Variants in DGAT2 observed in about 807,000 individuals in gnomAD.
The protein encoded by DGAT2 is acyl-CoA retinol O-fatty-acyltransferase.
DGAT2 carries 33 observed loss-of-function variants against 48.4 expected under a neutral mutation model. That is an observed-to-expected ratio of 0.68 (90% CI 0.52 to 0.91). The LOEUF (loss-of-function observed/expected upper bound fraction) is 0.91. Ranked by LOEUF, DGAT2 falls within the 40% of genes least tolerant of loss-of-function variation. DGAT2 has a pLI of 0.00. For synonymous variants in DGAT2, 191 were observed against 194.1 expected (o/e 0.98, Z 0.13); for missense variants, 446 against 493.7 (o/e 0.90, Z 0.92).
chr11:75,799,716 C>T (rs185963464), intron 7 of DGAT2, among the ~76,000 whole-genome samples: 22 of 151,994 alleles, frequency 1.4e-4, no homozygotes, highest in Admixed American at 1.2e-3. Context: ...TAGTCTCAAG[C>T]GATCCTCCCA....
At chr11:75,798,546 G>A in intron 7 of DGAT2, 117 bp downstream of exon 7, 1 of 1,176,832 alleles carries the variant, frequency 8.5e-7, no homozygotes, top group Non-Finnish European at 1.2e-6. Flanking sequence ...CATGCCCTTA[G>A]CCATGAGGAC....
intron 1 of DGAT2, among the ~76,000 whole-genome samples, chr11:75,780,678 G>A (rs1487232042): frequency 6.6e-6 from 1 of 152,174 alleles, no homozygotes; most frequent in African/African-American, 2.4e-5. Flanking sequence ...CTTTGTTGTG[G>A]GGAGCAGAGA....
intron 5 of DGAT2, 23 bp from the exon 6 acceptor site, chr11:75,797,135 G>A (rs368994034): frequency 6.8e-6 from 10 of 1,463,096 alleles, no homozygotes; most frequent in Non-Finnish European, 7.3e-6. Context: ...AACCCTGACT[G>A]TTGCGTCCTT....
chr11:75,777,133 G>A (rs886502127), intron 1 of DGAT2, among the ~76,000 whole-genome samples: 2 of 152,168 alleles, frequency 1.3e-5, no homozygotes, highest in South Asian at 4.1e-4. Flanking sequence ...TGTGGGCAGG[G>A]TGACCCCCAC....
At chr11:75,797,052 TG>T in intron 5 of DGAT2, 105 bp from the exon 6 acceptor site, 1 of 1,197,120 alleles carries the variant, frequency 8.4e-7, no homozygotes, top group Non-Finnish European at 1.1e-6. Flanking sequence ...GGGCTAGGTC[TG>T]GGGCCCAGGT....
chr11:75,787,468 T>G (rs1417002371), intron 2 of DGAT2, among the ~76,000 whole-genome samples: 1 of 152,206 alleles, frequency 6.6e-6, no homozygotes, highest in Non-Finnish European at 1.5e-5. Flanking sequence ...CCTCGTGGCT[T>G]CAGAATTTTG....
chr11:75,790,839 C>T (rs1944981461), intron 4 of DGAT2, 108 bp downstream of exon 4: 6 of 1,092,238 alleles, frequency 5.5e-6, no homozygotes, highest in Middle Eastern at 4.5e-4. Context: ...TTGGTCTCTT[C>T]ATTTCCTTTC....
chr11:75,796,623 C>A, intron 5 of DGAT2, 91 bp downstream of exon 5: 1 of 1,364,872 alleles, frequency 7.3e-7, no homozygotes, highest in Non-Finnish European at 1.0e-6. Context: ...GCCAACACAC[C>A]ATTCCTTGGT....
At chr11:75,799,349 G>A (rs1433632284) in intron 7 of DGAT2, among the ~76,000 whole-genome samples, 1 of 152,192 alleles carries the variant, frequency 6.6e-6, no homozygotes, top group East Asian at 1.9e-4. Flanking sequence ...GATCCTTGGA[G>A]CTGCTGGATG....
intron 4 of DGAT2, chr11:75,792,110 C>T (rs1269945079): frequency 6.6e-6 from 1 of 152,282 alleles, no homozygotes; most frequent in Non-Finnish European, 1.5e-5. Context: ...GCCCCATCCA[C>T]TTAGAACAGG....
chr11:75,792,952 A>G (rs1016588631), intron 4 of DGAT2: 3 of 152,266 alleles, frequency 2.0e-5, no homozygotes, highest in Non-Finnish European at 4.4e-5. Flanking sequence ...CACCATCACC[A>G]TGCCGTGCTG....
intron 1 of DGAT2, among the ~76,000 whole-genome samples, 169 bp downstream of exon 1, chr11:75,769,281 C>T (rs1944732676): frequency 6.6e-6 from 1 of 152,178 alleles, no homozygotes; most frequent in Non-Finnish European, 1.5e-5. Context: ...GCTTGTTTCC[C>T]TCATCCGTGA....
At chr11:75,790,463 TC>T (rs1944975635) in intron 3 of DGAT2, among the ~76,000 whole-genome samples, 168 bp downstream of exon 3, 1 of 152,132 alleles carries the variant, frequency 6.6e-6, no homozygotes, top group African/African-American at 2.4e-5. Context: ...AGGGCACTGT[TC>T]TGGTCCTGAC....
At chr11:75,794,892 T>G (rs1387079533) in intron 4 of DGAT2, 1 of 151,694 alleles carries the variant, frequency 6.6e-6, no homozygotes, top group African/African-American at 2.4e-5. Context: ...TTTAAAATTC[T>G]CTAGGAGTTT....
At position 75,777,903 on chromosome 11, in the gene DGAT2, A is replaced by G. The variant is rs964454144; in HGVS notation, c.122-6715A>G. 2.0e-5 allele frequency among the ~76,000 whole-genome samples: 3 copies of G among 152,128 alleles called. No homozygotes were observed. The East Asian group carries it at 5.8e-4, about 29-fold the overall frequency. ...AGCTCTCGTCGCTGCCTGATGTTAC[A>G]TCATACATTAATACGTAGGTGTTTT... On this transcript the variant is annotated intron_variant, in intron 1 of 7. Transcript: ENST00000228027.
At chr11:75,777,887 C>T (rs1007579133) in intron 1 of DGAT2, among the ~76,000 whole-genome samples, 3 of 152,206 alleles carry the variant, frequency 2.0e-5, no homozygotes, top group African/African-American at 7.2e-5. Context: ...TAGCTCTCGT[C>T]GCTGCCTGAT....
chr11:75,790,520 A>G, intron 3 of DGAT2, 141 bp from the exon 4 acceptor site: 1 of 875,726 alleles, frequency 1.1e-6, no homozygotes, highest in Non-Finnish European at 1.9e-6. Context: ...GAAGGAATGA[A>G]TGTGGAAAGG....
intron 4 of DGAT2, chr11:75,793,083 G>A (rs1590874157): frequency 1.3e-5 from 2 of 152,356 alleles, no homozygotes; most frequent in South Asian, 4.1e-4. Context: ...TATAAAGAGT[G>A]ACTTGATAGG....
intron 7 of DGAT2, among the ~76,000 whole-genome samples, chr11:75,799,334 A>C (rs1474215517): frequency 1.3e-5 from 2 of 152,168 alleles, no homozygotes; most frequent in Non-Finnish European, 2.9e-5. Context: ...TTTGCATTTA[A>C]AAATGATCCT....
Sources: gnomAD v4.1 joint callset for allele counts (sites outside exome capture counted in the v4.1 genomes callset) on GRCh38, gnomAD v4.1.1 for gene constraint, MANE v1.5 for transcripts, NCBI Gene and HGNC (gene_info 2026-07-23, HGNC 2026-07-21) for gene names.